The following KANK1 variants were observed in gnomAD, a reference collection of about 807,000 sequenced individuals.
The protein encoded by KANK1 is KN motif and ankyrin repeat domain-containing protein 1.
KANK1 carries 109 observed loss-of-function variants against 106.2 expected under a neutral mutation model. That is an observed-to-expected ratio of 1.03 (90% CI 0.88 to 1.20). KANK1 has a LOEUF of 1.20. Ranked by LOEUF, KANK1 falls within the 50% of genes most tolerant of loss-of-function variation. KANK1 has a pLI of 0.00. For missense variants in KANK1, 2,399 were observed against 1,710.7 expected (o/e 1.40, Z -7.10); for synonymous variants, 873 against 652.2 (o/e 1.34, Z -5.16).
intron 1 of KANK1, among the ~76,000 whole-genome samples, chr9:552,835 A>G (rs117537553): frequency 1.3e-5 from 2 of 152,160 alleles, no homozygotes; most frequent in East Asian, 3.9e-4. Context: ...CTACCATGTG[A>G]TCCTTTGTTA....
chr9:611,732 T>G (rs951792505), intron 1 of KANK1, among the ~76,000 whole-genome samples: 3 of 152,168 alleles, frequency 2.0e-5, no homozygotes, highest in Non-Finnish European at 4.4e-5. Flanking sequence ...TAACTCTTTT[T>G]TTTGGAGACA....
chr9:645,245 A>C (rs1839406512), intron 1 of KANK1, among the ~76,000 whole-genome samples: 1 of 150,052 alleles, frequency 6.7e-6, no homozygotes, highest in Non-Finnish European at 1.5e-5. Context: ...GTTCAAGATC[A>C]GCCTGGCCAA....
chr9:519,643 C>A (rs1275362730), intron 1 of KANK1, among the ~76,000 whole-genome samples: 2 of 147,202 alleles, frequency 1.4e-5, no homozygotes, highest in Non-Finnish European at 3.1e-5. Context: ...CAGACAATTA[C>A]ATTTCCTTAT....
At chr9:728,359 G>A (rs1831306769) in intron 3 of KANK1, among the ~76,000 whole-genome samples, 2 of 152,068 alleles carry the variant, frequency 1.3e-5, no homozygotes, top group Non-Finnish European at 2.9e-5. Flanking sequence ...CACCATGCGT[G>A]GCTAATTTTT....
intron 2 of KANK1, among the ~76,000 whole-genome samples, chr9:705,768 T>G (rs1007275026): frequency 4.0e-5 from 6 of 151,728 alleles, no homozygotes; most frequent in Admixed American, 3.9e-4. Context: ...TTGGGTAATT[T>G]TTTATATTTT....
intron 2 of KANK1, among the ~76,000 whole-genome samples, chr9:471,258 A>C (rs1177679160): frequency 6.6e-6 from 1 of 152,158 alleles, no homozygotes; most frequent in Non-Finnish European, 1.5e-5. Flanking sequence ...AGCTGAGTGG[A>C]ATGTGCAGGA....
At chr9:633,019 A>C (rs1209884605) in intron 1 of KANK1, among the ~76,000 whole-genome samples, 1 of 152,146 alleles carries the variant, frequency 6.6e-6, no homozygotes, top group Non-Finnish European at 1.5e-5. Flanking sequence ...TAGCAAAGCA[A>C]AACGGCAGAG....
intron 2 of KANK1, among the ~76,000 whole-genome samples, chr9:680,238 G>A (rs1588861396): frequency 6.6e-6 from 1 of 152,126 alleles, no homozygotes; most frequent in Non-Finnish European, 1.5e-5. Flanking sequence ...AATAAAACAA[G>A]CAAAAGAGGA....
intron 1 of KANK1, among the ~76,000 whole-genome samples, chr9:627,709 A>C (rs1267051065): frequency 6.6e-6 from 1 of 152,200 alleles, no homozygotes; most frequent in Admixed American, 6.6e-5. Flanking sequence ...CAGGGGGACC[A>C]GAGGGTGGAT....
chr9:580,542 A>T (rs1821805708), intron 1 of KANK1, among the ~76,000 whole-genome samples: 1 of 152,196 alleles, frequency 6.6e-6, no homozygotes, highest in Non-Finnish European at 1.5e-5. Context: ...AGCTAGACGC[A>T]AAAGTTCTCC....
intron 1 of KANK1, among the ~76,000 whole-genome samples, chr9:546,818 T>C (rs1348867213): frequency 6.6e-6 from 1 of 152,124 alleles, no homozygotes; most frequent in African/African-American, 2.4e-5. Flanking sequence ...AAGTAGCCCA[T>C]ACTTGAGTGC....
chr9:702,877 C>G (rs1823033198), intron 2 of KANK1, among the ~76,000 whole-genome samples: 1 of 152,160 alleles, frequency 6.6e-6, no homozygotes. Flanking sequence ...TTACTCTGGT[C>G]ATTTACCTTG....
intron 3 of KANK1, among the ~76,000 whole-genome samples, chr9:723,557 C>T (rs568573857): frequency 3.3e-4 from 50 of 152,180 alleles, no homozygotes; most frequent in African/African-American, 1.1e-3. Context: ...CCCAGGAGTT[C>T]AAGGCTACAG....
At chr9:654,550 G>T (rs1037259323) in intron 1 of KANK1, among the ~76,000 whole-genome samples, 4 of 148,680 alleles carry the variant, frequency 2.7e-5, no homozygotes, top group Non-Finnish European at 5.9e-5. Flanking sequence ...AACTCAACCA[G>T]AAGGGACAAT....
chr9:475,365 C>T (rs1050926789), intron 3 of KANK1, among the ~76,000 whole-genome samples: 1 of 152,288 alleles, frequency 6.6e-6, no homozygotes, highest in African/African-American at 2.4e-5. Flanking sequence ...AACCCAAGAC[C>T]CCGAAAGTAT....
intron 1 of KANK1, among the ~76,000 whole-genome samples, chr9:661,679 A>G (rs1438242653): frequency 6.6e-6 from 1 of 152,136 alleles, no homozygotes; most frequent in Non-Finnish European, 1.5e-5. Context: ...TTCTAATTCT[A>G]GATCGTTGAG....
intron 10 of KANK1, among the ~76,000 whole-genome samples, chr9:743,752 C>A (rs900843378): frequency 6.6e-6 from 1 of 152,100 alleles, no homozygotes; most frequent in South Asian, 2.1e-4. Flanking sequence ...GTCTCAGATA[C>A]CGTGGTGGTT....
At chr9:601,673 CATT>C (rs1827786793) in intron 1 of KANK1, among the ~76,000 whole-genome samples, 1 of 151,824 alleles carries the variant, frequency 6.6e-6, no homozygotes, top group Non-Finnish European at 1.5e-5. Flanking sequence ...ATATTATCAT[CATT>C]ATTTTCTTCT....
At chr9:545,059 C>T (rs9408629) in intron 1 of KANK1, among the ~76,000 whole-genome samples, 75,839 of 151,352 alleles carry the variant, frequency 0.5, 22,070 homozygotes, top group African/African-American at 0.78. Flanking sequence ...CAAATGGCGG[C>T]TGAGGAGGAG....
Sources: allele counts gnomAD v4.1 joint callset (sites outside exome capture counted in the v4.1 genomes callset), GRCh38; gene constraint gnomAD v4.1.1; transcripts MANE v1.5; gene names NCBI Gene and HGNC (gene_info 2026-07-23, HGNC 2026-07-21).